Variants in PHF12 observed in about 807,000 individuals in gnomAD.
PHF12 encodes the protein PHD factor 1.
PHF12 carries 6 observed loss-of-function variants against 99.8 expected under a neutral mutation model. The ratio of observed to expected loss-of-function variants is 0.06; its 90% CI spans 0.03 to 0.12. The LOEUF (loss-of-function observed/expected upper bound fraction) is 0.12, where lower values mean the gene tolerates loss of function less well. PHF12 is among the 10% of genes least tolerant of loss of function. The pLI, the probability that PHF12 is intolerant of heterozygous loss-of-function variation, is 1.00. For missense variants in PHF12, 954 were observed against 1,300.1 expected (o/e 0.73, Z 4.09); for synonymous variants, 480 against 514.9 (o/e 0.93, Z 0.92).
intron 7 of PHF12, among the ~76,000 whole-genome samples, chr17:28,914,671 C>CAAAAAAA (rs61203588): frequency 0.015 from 449 of 30,344 alleles, 66 homozygotes; most frequent in South Asian, 0.031. Context: ...GACTCCGTCT[C>CAAAAAAA]AAAAAAAAAA....
intron 2 of PHF12, among the ~76,000 whole-genome samples, chr17:28,933,251 T>A (rs2040447506): frequency 6.6e-6 from 1 of 152,230 alleles, no homozygotes; most frequent in Non-Finnish European, 1.5e-5. Context: ...TGTAAAGACA[T>A]CAATGTGTTT....
chr17:28,924,116 T>G lies in PHF12; in HGVS notation c.508A>C (p.Ser170Arg), dbSNP rs769504182. 10 of 1,614,110 alleles carry G rather than the reference T, an allele frequency of 6.2e-6. No homozygotes were observed. Among genetic ancestry groups the G allele is most frequent in the Non-Finnish European group, 7.6e-6 (9 of 1,180,042 alleles). Residue 170 changes from serine (S) to arginine (R), a missense_variant, in exon 4 of 15, where the codon AGC becomes CGC. Transcript: ENST00000332830. ...GAGGTGGGAGTCTCTGTGCTGGCGC[T>G]GGATGTGGGTGTGCCAGGCCTGCTG... is the stretch of plus-strand genomic sequence containing the variant. ...RASRPGTPTS[S>R]ASTETPTSEQ... is the part of the protein sequence containing the mutation.
intron 11 of PHF12, 32 bp downstream of exon 11, chr17:28,910,194 G>C (rs1186133335): frequency 6.2e-7 from 1 of 1,614,018 alleles, no homozygotes; most frequent in East Asian, 2.2e-5. Context: ...GGGGAGATCT[G>C]ATGATGTGGT....
At chr17:28,941,755 G>A (rs1166507958) in intron 2 of PHF12, among the ~76,000 whole-genome samples, 2 of 152,076 alleles carry the variant, frequency 1.3e-5, no homozygotes, top group Admixed American at 6.5e-5. Flanking sequence ...CAAGTAGCGT[G>A]CATCACCACG....
At chr17:28,944,561 C>T (rs1466017288) in intron 2 of PHF12, 2 of 968,376 alleles carry the variant, frequency 2.1e-6, no homozygotes, top group African/African-American at 1.8e-5. Context: ...GCAGGAGAAT[C>T]ACTTGAACCT....
Position 28,906,522 on chromosome 17 carries a change from GA to G in PHF12, c.2681-6del. On this transcript the variant is annotated splice_polypyrimidine_tract_variant and splice_region_variant and intron_variant, in intron 14 of 14. Coordinates refer to ENST00000332830, the MANE Select transcript of PHF12 (RefSeq NM_001033561.2). The surrounding 1 kb of genome is among the most constrained non-coding windows in gnomAD (Gnocchi z 4.2). Reference sequence around the variant, plus strand: ...GTTTCTGGTGCCGGCGGCGCCCTGGGAAAAAGGGGGATGGTCACAGAAGAGG... The same window carrying G: ...GTTTCTGGTGCCGGCGGCGCCCTGGGAAAAGGGGGATGGTCACAGAAGAGG... 3 of 1,587,026 alleles carry G rather than the reference GA, an allele frequency of 1.9e-6. No individual in the cohort carries two copies. Among genetic ancestry groups the G allele is most frequent in the Non-Finnish European group, 2.6e-6 (3 of 1,163,766 alleles).
In PHF12 at chr17:28,924,310, A is replaced by G; in HGVS notation, c.322-8T>C. 2 of 1,614,170 alleles carry G rather than the reference A, an allele frequency of 1.2e-6. No homozygotes were observed. Among genetic ancestry groups the G allele is most frequent in the Non-Finnish European group, 1.7e-6 (2 of 1,180,032 alleles). ...CTTTTTCTGCTCTCGTTTCTGTGCA[A>G]ATGAACAGGTGGGCCCATCATGAAA... On this transcript the variant is annotated splice_region_variant and splice_polypyrimidine_tract_variant and intron_variant, in intron 3 of 14. Transcript: ENST00000332830.
At chr17:28,926,677 C>A in intron 3 of PHF12, 10 of 868,322 alleles carry the variant, frequency 1.2e-5, no homozygotes, top group Non-Finnish European at 1.6e-5. Context: ...GGAGAAGCAG[C>A]CTTTGTTTTT....
At chr17:28,907,770 T>G (rs1598114473) in intron 12 of PHF12, 98 bp from the exon 13 acceptor site, 2 of 1,161,752 alleles carry the variant, frequency 1.7e-6, no homozygotes, top group Non-Finnish European at 2.5e-6. Flanking sequence ...AGCTTCTGGG[T>G]TGGCACTAGC....
chr17:28,921,229 C>G (rs1249469227), intron 5 of PHF12, among the ~76,000 whole-genome samples: 1 of 152,122 alleles, frequency 6.6e-6, no homozygotes, highest in Non-Finnish European at 1.5e-5. Context: ...GTTGACCAGG[C>G]TGGAGTGCAG....
chr17:28,934,587 TTTTC>T (rs945094886), intron 2 of PHF12, among the ~76,000 whole-genome samples: 13 of 151,918 alleles, frequency 8.6e-5, no homozygotes, highest in African/African-American at 2.2e-4. Context: ...TGAACCTTTC[TTTTC>T]TTTCTTTTTT....
intron 2 of PHF12, among the ~76,000 whole-genome samples, chr17:28,939,099 A>G (rs1285573694): frequency 1.3e-5 from 2 of 152,244 alleles, no homozygotes; most frequent in East Asian, 3.8e-4. Flanking sequence ...CAACACCAAC[A>G]AACTGTAGCC....
At chr17:28,943,560 G>C (rs1460795948) in intron 2 of PHF12, among the ~76,000 whole-genome samples, 1 of 152,152 alleles carries the variant, frequency 6.6e-6, no homozygotes, top group South Asian at 2.1e-4. Flanking sequence ...AACCTGGGAG[G>C]TGGACGCTGC....
chr17:28,941,977 G>C (rs2040625242), intron 2 of PHF12, among the ~76,000 whole-genome samples: 1 of 152,170 alleles, frequency 6.6e-6, no homozygotes, highest in African/African-American at 2.4e-5. Context: ...TTCTGTTGTG[G>C]CTAGTGGGTG....
Position 28,910,296 on chromosome 17 carries a change from G to A in PHF12, c.2289C>T (p.Pro763=), listed in dbSNP as rs770864108. 1 of 1,614,226 alleles carries A rather than the reference G, an allele frequency of 6.2e-7. No individual in the cohort carries two copies. Among genetic ancestry groups the A allele is most frequent in the East Asian group, 2.2e-5 (1 of 44,888 alleles). ...TGCCCGGTGAAGGTTGGACCCGGGA[G>A]GGGAAAAGCTGATGTATTCTCTGCA... ...LALQRIHQLF[P]SRVQPSPGSV... Residue 763 remains proline, a synonymous_variant, in exon 11 of 15, where the codon CCC becomes CCT. Transcript: ENST00000332830.
rs140161107 is a variant in PHF12, at chr17:28,928,505, T to C, written c.249-1442A>G. Among the ~76,000 whole-genome samples the C allele has an allele frequency of 2.5e-4, 38 of 152,296 alleles. No homozygotes were observed. The East Asian group carries it at 3.9e-3, about 15-fold the overall frequency. On this transcript the variant is annotated intron_variant, in intron 2 of 14. Transcript: ENST00000332830. The stretch of plus-strand genomic sequence containing the variant: ...TTTATTAGAGGGACTAGGACAATGA[T>C]TGGATCTCTTCCCTCCTTGTATTTT...
chr17:28,947,887 C>CAAA (rs5819857), intron 2 of PHF12, among the ~76,000 whole-genome samples: 52 of 142,550 alleles, frequency 3.6e-4, no homozygotes, highest in Non-Finnish European at 6.5e-4. Flanking sequence ...TTCAATGCCT[C>CAAA]AAAAAAAAAA....
At chr17:28,911,935 T>C (rs2152657252) in intron 9 of PHF12, among the ~76,000 whole-genome samples, 1 of 152,360 alleles carries the variant, frequency 6.6e-6, no homozygotes, top group Admixed American at 6.5e-5. Context: ...GCTTCTGGGC[T>C]AGAACAATCC....
In PHF12 at chr17:28,924,105, T is replaced by C. The variant is rs2040221778; in HGVS notation, c.519A>G (p.Thr173=). 1.9e-6 allele frequency: 3 copies of C among 1,614,218 alleles called. No homozygotes were observed. The highest frequency in any genetic ancestry group is 1.7e-5 in the Admixed American group (1 of 60,016). The change falls in exon 4 of 15, where the codon ACA becomes ACG. Residue 173 remains threonine, a synonymous_variant. Coordinates refer to ENST00000332830, the MANE Select transcript of PHF12 (RefSeq NM_001033561.2). ...CATTCTGCTCAGAGGTGGGAGTCTC[T>C]GTGCTGGCGCTGGATGTGGGTGTGC... is the stretch of plus-strand genomic sequence containing the variant. The part of the protein sequence containing the change: ...RPGTPTSSAS[T]ETPTSEQNDV...
Sources: allele counts gnomAD v4.1 joint callset (sites outside exome capture counted in the v4.1 genomes callset), GRCh38; gene constraint gnomAD v4.1.1; non-coding constraint Gnocchi (gnomAD v3.1); transcripts MANE v1.5; gene names NCBI Gene and HGNC (gene_info 2026-07-23, HGNC 2026-07-21).